ITPRIP: variants seen among roughly 807,000 people sequenced by gnomAD.
The protein encoded by ITPRIP is inositol 1,4,5-trisphosphate receptor interacting protein.
Under a neutral mutation model 35.8 loss-of-function variants are expected in ITPRIP, and 32 were observed. The ratio of observed to expected loss-of-function variants is 0.89; its 90% CI spans 0.68 to 1.20. The LOEUF (loss-of-function observed/expected upper bound fraction) is 1.20. ITPRIP is among the 50% of genes most tolerant of loss of function. The probability of loss-of-function intolerance (pLI) is 0.00; values close to 1 mark genes in which losing one functional copy is unlikely to be tolerated. For missense variants in ITPRIP, 653 were observed against 735.6 expected (o/e 0.89, Z 1.30); for synonymous variants, 358 against 324.0 (o/e 1.11, Z -1.13).
Position 104,326,929 on chromosome 10 carries a change from A to G in ITPRIP, c.-13-10865T>C, listed in dbSNP as rs969665819. On this transcript the variant is annotated intron_variant, in intron 1 of 1. Transcript: ENST00000337478. The surrounding 1 kb of genome is among the most constrained non-coding windows in gnomAD (Gnocchi z 4.8). The stretch of plus-strand genomic sequence containing the variant: ...GAGGCAAAGAGGGACTCTCCTCTAG[A>G]GTATCTGGAGGGAGTGTGGCCCTGA... 3.3e-5 allele frequency: 5 copies of G among 152,166 alleles called. No homozygotes were observed. Among genetic ancestry groups the G allele is most frequent in the Non-Finnish European group, 7.3e-5 (5 of 68,040 alleles). The allele number at this position is 152,166 out of a possible 1,614,324, so 9.4% of individuals were successfully genotyped here. A position where few individuals can be genotyped will look rare whatever the true frequency, so the allele number is the denominator to read the frequency against.
Position 104,314,218 on chromosome 10 carries a change from T to C in ITPRIP, c.*190A>G. 7.1e-7 allele frequency: 1 copy of C among 1,410,994 alleles called. No individual in the cohort carries two copies. The highest frequency in any genetic ancestry group is 9.2e-7 in the Non-Finnish European group (1 of 1,085,982). The allele number at this position is 1,410,994 out of a possible 1,614,324, so 87.4% of individuals were successfully genotyped here. On this transcript the variant is annotated 3_prime_UTR_variant, in exon 2 of 2. Coordinates refer to ENST00000337478, the MANE Select transcript of ITPRIP (RefSeq NM_001272013.2). ...GCTTTACCAGCAGATCCCAATGGTA[T>C]GAAGCAAACCAGCTTCCCGTTGAAA...
Position 104,312,815 on chromosome 10 carries a change from CCT to C in ITPRIP, c.*1591_*1592del, listed in dbSNP as rs1286222611. ...TCAGTTTGTGGGGTAACTGGGCACCCCTGTCAAGTTGGTTATGCTCTCGGGAA... is the reference window on the plus strand; with the variant it reads ...TCAGTTTGTGGGGTAACTGGGCACCCGTCAAGTTGGTTATGCTCTCGGGAA... On this transcript the variant is annotated 3_prime_UTR_variant, in exon 2 of 2. Coordinates refer to ENST00000337478, the MANE Select transcript of ITPRIP (RefSeq NM_001272013.2). The C allele has an allele frequency of 1.1e-5, 11 of 985,252 alleles. No homozygotes were observed. The highest frequency in any genetic ancestry group is 6.2e-5 in the Admixed American group (1 of 16,258). 61.0% of individuals were successfully genotyped at this position (985,252 alleles called of 1,614,324 possible).
rs1433663530 is a variant in ITPRIP at position 104,312,133 on chromosome 10, TCTA to T, written c.*2272_*2274del. The stretch of plus-strand genomic sequence containing the variant: ...AAGTTAAAAACAAACAGTGACCATT[TCTA>T]CTCCTTGCAAGATTTAATTCTTCCT... On this transcript the variant is annotated 3_prime_UTR_variant, in exon 2 of 2. Transcript: ENST00000337478. 3.9e-5 allele frequency: 6 copies of T among 152,234 alleles called. No individual in the cohort carries two copies. The East Asian group carries it at 1.2e-3, about 29-fold the overall frequency. 9.4% of individuals were successfully genotyped at this position (152,234 alleles called of 1,614,324 possible).
intron 1 of ITPRIP, among the ~76,000 whole-genome samples, chr10:104,327,898 G>GGGGC: frequency 6.6e-6 from 1 of 152,334 alleles, no homozygotes; most frequent in East Asian, 1.9e-4. Flanking sequence ...TCGCCCTGGT[G>GGGGC]TGCCCGACAG....
In ITPRIP at chr10:104,338,312, C is replaced by G. The variant is rs1174274482; in HGVS notation, c.-80G>C. ...ACGGCTCCAGCACAGGCTTTGCGCG[C>G]AGGTCGAGGGCCGAGGCGCCGCTGC... On this transcript the variant is annotated 5_prime_UTR_variant, in exon 1 of 2. Coordinates refer to ENST00000337478, the MANE Select transcript of ITPRIP (RefSeq NM_001272013.2). 6.5e-6 allele frequency: 1 copy of G among 152,908 alleles called. No individual in the cohort carries two copies. Among genetic ancestry groups the G allele is most frequent in the Non-Finnish European group, 1.5e-5 (1 of 68,200 alleles). The allele number at this position is 152,908 out of a possible 1,614,324, so 9.5% of individuals were successfully genotyped here.
At position 104,328,199 on chromosome 10, in the gene ITPRIP, C is replaced by T. The variant is rs1290513458; in HGVS notation, c.-14+10047G>A. The T allele has an allele frequency of 2.0e-5, 20 of 984,494 alleles. No homozygotes were observed. The highest frequency in any genetic ancestry group is 4.7e-5 in the South Asian group (1 of 21,276). The allele number at this position is 984,494 out of a possible 1,614,324, so 61.0% of individuals were successfully genotyped here. On this transcript the variant is annotated intron_variant, in intron 1 of 1. Transcript: ENST00000337478. The surrounding 1 kb of genome is among the most constrained non-coding windows in gnomAD (Gnocchi z 4.1). ...CCTCCAGGATTCCCATCTCCGGTTT[C>T]TATGCGTGAATCACAGTGACAGCAA... is the stretch of plus-strand genomic sequence containing the variant.
intron 1 of ITPRIP, among the ~76,000 whole-genome samples, chr10:104,331,144 T>C (rs2014138831): frequency 6.6e-6 from 1 of 152,306 alleles, no homozygotes; most frequent in South Asian, 2.1e-4. Context: ...AGGGCTCTCT[T>C]GACACTGGCA....
In ITPRIP at chr10:104,311,099, G is replaced by C. The variant is rs1306822111; in HGVS notation, c.*3309C>G. ...CGTTAGGCTCCTGACAAATGCTTGT[G>C]GACTATTCATGACCTGCTTGGGAGA... On this transcript the variant is annotated 3_prime_UTR_variant, in exon 2 of 2. Coordinates refer to ENST00000337478, the MANE Select transcript of ITPRIP (RefSeq NM_001272013.2). 1 of 152,054 alleles carries C rather than the reference G, an allele frequency of 6.6e-6. No homozygotes were observed. Among genetic ancestry groups the C allele is most frequent in the African/African-American group, 2.4e-5 (1 of 41,386 alleles). 9.4% of individuals were successfully genotyped at this position (152,054 alleles called of 1,614,324 possible).
At position 104,313,119 on chromosome 10, in the gene ITPRIP, G is replaced by C; in HGVS notation, c.*1289C>G. 1 of 985,504 alleles carries C rather than the reference G, an allele frequency of 1.0e-6. No individual in the cohort carries two copies. The highest frequency in any genetic ancestry group is 1.2e-6 in the Non-Finnish European group (1 of 830,042). The allele number at this position is 985,504 out of a possible 1,614,324, so 61.0% of individuals were successfully genotyped here. A position where few individuals can be genotyped will look rare whatever the true frequency, so the allele number is the denominator to read the frequency against. On this transcript the variant is annotated 3_prime_UTR_variant, in exon 2 of 2. Coordinates refer to ENST00000337478, the MANE Select transcript of ITPRIP (RefSeq NM_001272013.2). Reference sequence around the variant, plus strand: ...TCTGTGCAGTGAGGGAGCCCCGCTGGAGTGAGGAACTAGGGGCTCAGAGCC... The same window carrying C: ...TCTGTGCAGTGAGGGAGCCCCGCTGCAGTGAGGAACTAGGGGCTCAGAGCC...
intron 1 of ITPRIP, among the ~76,000 whole-genome samples, chr10:104,324,986 G>A (rs1298523951): frequency 6.6e-6 from 1 of 152,210 alleles, no homozygotes; most frequent in African/African-American, 2.4e-5. Flanking sequence ...GGAAGGCTGA[G>A]GCAGATGGAT....
In ITPRIP at chr10:104,328,734, CAA is replaced by C. The variant is rs1296812618; in HGVS notation, c.-14+9510_-14+9511del. ...CTTCTGTTTGACCCCTGGATGGGAA[CAA>C]AGAGAGCCCAGCTTAGAAAGACACT... On this transcript the variant is annotated intron_variant, in intron 1 of 1. Coordinates refer to ENST00000337478, the MANE Select transcript of ITPRIP (RefSeq NM_001272013.2). The surrounding 1 kb of genome is among the most constrained non-coding windows in gnomAD (Gnocchi z 4.1). The C allele has an allele frequency of 2.0e-5, 3 of 152,102 alleles. No homozygotes were observed. The highest frequency in any genetic ancestry group is 2.0e-4 in the Admixed American group (3 of 15,258). The allele number at this position is 152,102 out of a possible 1,614,324, so 9.4% of individuals were successfully genotyped here.
chr10:104,319,185 C>T (rs765079446), intron 1 of ITPRIP, among the ~76,000 whole-genome samples: 1 of 152,246 alleles, frequency 6.6e-6, no homozygotes, highest in East Asian at 1.9e-4. Context: ...TGCGCTCCCA[C>T]GCTTTCCCTG....
At position 104,326,842 on chromosome 10, in the gene ITPRIP, G is replaced by A. The variant is rs2014027290; in HGVS notation, c.-13-10778C>T. ...GACAGAGGAGAGGTGAGGGGAGACG[G>A]AGGCCAGGATGGGAGTGACGCTGCC... is the stretch of plus-strand genomic sequence containing the variant. On this transcript the variant is annotated intron_variant, in intron 1 of 1. Transcript: ENST00000337478. This position sits in a 1 kb window ranked among gnomAD's most constrained non-coding sequence, Gnocchi z 4.8. 6.6e-6 allele frequency: 1 copy of A among 152,320 alleles called. No homozygotes were observed. Among genetic ancestry groups the A allele is most frequent in the Non-Finnish European group, 1.5e-5 (1 of 68,086 alleles). 9.4% of individuals were successfully genotyped at this position (152,320 alleles called of 1,614,324 possible).
rs778559712 is a variant in ITPRIP, at chr10:104,338,401, C to T, written c.-169G>A. The T allele has an allele frequency of 6.6e-6, 1 of 152,254 alleles. No homozygotes were observed. The highest frequency in any genetic ancestry group is 1.5e-5 in the Non-Finnish European group (1 of 68,048). 9.4% of individuals were successfully genotyped at this position (152,254 alleles called of 1,614,324 possible). A position where few individuals can be genotyped will look rare whatever the true frequency, so the allele number is the denominator to read the frequency against. Reference sequence around the variant, plus strand: ...AGAGGGGCGCGGGCGGCGATGCCCCCGCTGGCTCCCACCTTCTGGCCTGCA... The same window carrying T: ...AGAGGGGCGCGGGCGGCGATGCCCCTGCTGGCTCCCACCTTCTGGCCTGCA... On this transcript the variant is annotated 5_prime_UTR_variant, in exon 1 of 2. Coordinates refer to ENST00000337478, the MANE Select transcript of ITPRIP (RefSeq NM_001272013.2).
rs994309248 is a variant in ITPRIP at position 104,311,654 on chromosome 10, C to T, written c.*2754G>A. On this transcript the variant is annotated 3_prime_UTR_variant, in exon 2 of 2. Coordinates refer to ENST00000337478, the MANE Select transcript of ITPRIP (RefSeq NM_001272013.2). The stretch of plus-strand genomic sequence containing the variant: ...CTAGGGGCCAACTCTATTCATTTCA[C>T]CCTTGTTATTTTGCAAAGCAAGTGA... 1 of 152,254 alleles carries T rather than the reference C, an allele frequency of 6.6e-6. No individual in the cohort carries two copies. The highest frequency in any genetic ancestry group is 2.4e-5 in the African/African-American group (1 of 41,462). 9.4% of individuals were successfully genotyped at this position (152,254 alleles called of 1,614,324 possible).
intron 1 of ITPRIP, among the ~76,000 whole-genome samples, chr10:104,320,535 ATTTT>A (rs34369154): frequency 2.3e-5 from 3 of 131,658 alleles, no homozygotes; most frequent in African/African-American, 5.7e-5. Context: ...TCTGCCTGTA[ATTTT>A]TTTTTTTTTT....
intron 1 of ITPRIP, among the ~76,000 whole-genome samples, chr10:104,323,173 T>A (rs2013900376): frequency 6.6e-6 from 1 of 152,120 alleles, no homozygotes; most frequent in South Asian, 2.1e-4. Flanking sequence ...CACCTGGCAG[T>A]GATTCCAGCA....
Position 104,312,250 on chromosome 10 carries a change from C to A in ITPRIP, c.*2158G>T, listed in dbSNP as rs1471450099. 1.3e-5 allele frequency: 2 copies of A among 152,650 alleles called. No homozygotes were observed. Among genetic ancestry groups the A allele is most frequent in the South Asian group, 2.1e-4 (1 of 4,814 alleles). The allele number at this position is 152,650 out of a possible 1,614,324, so 9.5% of individuals were successfully genotyped here. A position where few individuals can be genotyped will look rare whatever the true frequency, so the allele number is the denominator to read the frequency against. On this transcript the variant is annotated 3_prime_UTR_variant, in exon 2 of 2. Transcript: ENST00000337478. The stretch of plus-strand genomic sequence containing the variant: ...TTGGTGCAGAAAAGATTCCCGTTTC[C>A]CCACCGAGTTCTGTTGTCTCTGTAC...
intron 1 of ITPRIP, among the ~76,000 whole-genome samples, chr10:104,325,265 G>A (rs2013967073): frequency 6.6e-6 from 1 of 152,130 alleles, no homozygotes; most frequent in Non-Finnish European, 1.5e-5. Flanking sequence ...GCCACCCAGA[G>A]CCTGTGGGCT....
Sources: gnomAD v4.1 joint callset for allele counts (sites outside exome capture counted in the v4.1 genomes callset) on GRCh38, gnomAD v4.1.1 for gene constraint, Gnocchi (gnomAD v3.1) non-coding constraint, MANE v1.5 for transcripts, NCBI Gene and HGNC (gene_info 2026-07-23, HGNC 2026-07-21) for gene names.